TIMM23B: variants seen among roughly 807,000 people sequenced by gnomAD.
The protein encoded by TIMM23B is mitochondrial import inner membrane translocase subunit Tim23B.
In TIMM23B, 27 loss-of-function variants were observed where a neutral mutation model predicts 27.3. That is an observed-to-expected ratio of 0.99 (90% confidence interval 0.73 to 1.36). The LOEUF is 1.36. TIMM23B is among the 40% of genes most tolerant of loss of function. The pLI is 0.00. For missense variants in TIMM23B, 205 were observed against 244.2 expected (o/e 0.84, Z 1.07); for synonymous variants, 73 against 92.4 (o/e 0.79, Z 1.21).
In TIMM23B at chr10:49,949,619, C is replaced by T. The variant is rs1839459426; in HGVS notation, c.166-2507C>T. Among the ~76,000 whole-genome samples, 3 of 151,314 alleles carry T rather than the reference C, an allele frequency of 2.0e-5. No individual in the cohort carries two copies. In the South Asian group the frequency reaches 6.3e-4, roughly 32 times the overall value. On this transcript the variant is annotated intron_variant, in intron 2 of 6. Transcript: ENST00000651259. ...CCCCCCAAAAACTTGTGAATTCATT[C>T]TTCATCATGAACATTTAATCTTCCA...
chr10:49,957,630 T>C (rs1380109590), intron 5 of TIMM23B, among the ~76,000 whole-genome samples: 2 of 152,062 alleles, frequency 1.3e-5, no homozygotes, highest in East Asian at 1.9e-4. Flanking sequence ...GGGCCCTGAG[T>C]GCAGGAGCTT....
At chr10:49,961,443 G>T (rs1426181375) in intron 6 of TIMM23B, among the ~76,000 whole-genome samples, 1 of 151,700 alleles carries the variant, frequency 6.6e-6, no homozygotes, top group East Asian at 1.9e-4. Flanking sequence ...AAGACGGTTT[G>T]CTGTTTGGTG....
chr10:49,950,024 TG>T (rs1839475506), intron 2 of TIMM23B, among the ~76,000 whole-genome samples: 1 of 152,146 alleles, frequency 6.6e-6, no homozygotes, highest in Non-Finnish European at 1.5e-5. Flanking sequence ...CTCTCACTAA[TG>T]CTTTTGTATT....
At chr10:49,957,364 A>T (rs1839759297) in intron 5 of TIMM23B, among the ~76,000 whole-genome samples, 1 of 150,526 alleles carries the variant, frequency 6.6e-6, no homozygotes, top group African/African-American at 2.5e-5. Context: ...CTCCCACCTC[A>T]GCCTTTCAAG....
At chr10:49,964,958 C>CG (rs1840073149) in intron 6 of TIMM23B, among the ~76,000 whole-genome samples, 1 of 151,886 alleles carries the variant, frequency 6.6e-6, no homozygotes, top group African/African-American at 2.4e-5. Flanking sequence ...CAGTGGCTCA[C>CG]GCTTGTAATC....
intron 2 of TIMM23B, 82 bp downstream of exon 2, chr10:49,945,172 G>C: frequency 7.0e-7 from 1 of 1,430,972 alleles, no homozygotes. Flanking sequence ...CTTGAACTAT[G>C]ACATACACTT....
chr10:49,971,332 A>T (rs1448034076), intron 6 of TIMM23B, among the ~76,000 whole-genome samples: 2 of 130,702 alleles, frequency 1.5e-5, no homozygotes, highest in African/African-American at 6.3e-5. Flanking sequence ...AATAAATACT[A>T]AAAAAAAAAA....
At chr10:49,961,515 G>A (rs1466407394) in intron 6 of TIMM23B, among the ~76,000 whole-genome samples, 5 of 152,002 alleles carry the variant, frequency 3.3e-5, no homozygotes, top group Non-Finnish European at 4.4e-5. Context: ...TAGCATAGCA[G>A]CTAGCTGTCC....
intron 2 of TIMM23B, among the ~76,000 whole-genome samples, chr10:49,946,506 C>T (rs1438113764): frequency 2.0e-5 from 3 of 152,122 alleles, no homozygotes; most frequent in Admixed American, 6.5e-5. Context: ...CAGCAAGTTG[C>T]AGAATACAAG....
At chr10:49,962,179 A>G (rs1839939433) in intron 6 of TIMM23B, among the ~76,000 whole-genome samples, 1 of 151,932 alleles carries the variant, frequency 6.6e-6, no homozygotes, top group Admixed American at 6.6e-5. Context: ...AGAAGGTAGC[A>G]ATCAAAATCC....
intron 6 of TIMM23B, among the ~76,000 whole-genome samples, chr10:49,963,517 A>T (rs12764268): frequency 0.19 from 28,800 of 152,070 alleles, 3,223 homozygotes; most frequent in Non-Finnish European, 0.27. Flanking sequence ...GAACAATGAA[A>T]TGCCGGGTGA....
intron 6 of TIMM23B, among the ~76,000 whole-genome samples, chr10:49,966,732 G>A (rs1301169753): frequency 2.0e-5 from 3 of 151,826 alleles, no homozygotes; most frequent in South Asian, 2.1e-4. Context: ...GGCAGAGAGA[G>A]GAGAATCGCT....
At chr10:49,952,426 G>A in intron 3 of TIMM23B, 23 bp from the exon 4 acceptor site, 1 of 1,611,860 alleles carries the variant, frequency 6.2e-7, no homozygotes. Context: ...GTCTTATCTG[G>A]GTGAATTTTT....
chr10:49,949,924 G>T (rs1184321037), intron 2 of TIMM23B, among the ~76,000 whole-genome samples: 1 of 151,740 alleles, frequency 6.6e-6, no homozygotes, highest in African/African-American at 2.4e-5. Context: ...GGTTCAAGCA[G>T]TCCTCCCACC....
At chr10:49,955,774 T>C (rs1839696728) in intron 5 of TIMM23B, among the ~76,000 whole-genome samples, 1 of 152,184 alleles carries the variant, frequency 6.6e-6, no homozygotes, top group African/African-American at 2.4e-5. Context: ...AAAAAGCGTT[T>C]GTTATGGCAG....
At chr10:49,952,398 T>C in intron 3 of TIMM23B, 51 bp from the exon 4 acceptor site, 1 of 1,582,422 alleles carries the variant, frequency 6.3e-7, no homozygotes, top group Non-Finnish European at 8.5e-7. Context: ...TTTGAGGTTT[T>C]TTTTTTAATA....
chr10:49,963,330 TAAATG>T lies in TIMM23B; in HGVS notation c.514+4860_514+4864del, dbSNP rs782392641. ...AATGAAATGAAGAGAATAAATGAAA[TAAATG>T]AAATGAAATAATAAAATGAATAATG... On this transcript the variant is annotated intron_variant, in intron 6 of 6. Transcript: ENST00000651259. Among the ~76,000 whole-genome samples, 85 of 149,286 alleles carry T rather than the reference TAAATG, an allele frequency of 5.7e-4. No individual in the cohort carries two copies. In the Middle Eastern group the frequency reaches 0.022, roughly 38 times the overall value.
intron 1 of TIMM23B, among the ~76,000 whole-genome samples, chr10:49,943,568 G>A (rs1414230469): frequency 6.6e-6 from 1 of 151,742 alleles, no homozygotes; most frequent in Non-Finnish European, 1.5e-5. Flanking sequence ...GTATTTCTGA[G>A]TTTCAGAGCA....
In TIMM23B at chr10:49,973,375, T is replaced by G; in HGVS notation, c.*311T>G. On this transcript the variant is annotated 3_prime_UTR_variant, in exon 7 of 7. Transcript: ENST00000651259. ...CTACATGTCAGCAAACAAATTTTCT[T>G]CTTAATAAAGAATCCAGTTGCTGGG... is the stretch of plus-strand genomic sequence containing the variant. 1 of 364,194 alleles carries G rather than the reference T, an allele frequency of 2.7e-6. No homozygotes were observed. The highest frequency in any genetic ancestry group is 4.9e-6 in the Non-Finnish European group (1 of 203,138). The allele number at this position is 364,194 out of a possible 1,614,324, so 22.6% of individuals were successfully genotyped here.
Sources: allele counts gnomAD v4.1 joint callset (sites outside exome capture counted in the v4.1 genomes callset), GRCh38; gene constraint gnomAD v4.1.1; transcripts MANE v1.5; gene names NCBI Gene and HGNC (gene_info 2026-07-23, HGNC 2026-07-21).